VPS37A: variants seen among roughly 807,000 people sequenced by gnomAD.
VPS37A encodes VPS37A subunit of ESCRT-I, also known as vacuolar protein sorting-associated protein 37A.
In VPS37A, 30 loss-of-function variants were observed where a neutral mutation model predicts 49.8. The ratio of observed to expected loss-of-function variants is 0.60; its 90% CI spans 0.45 to 0.82. The LOEUF is 0.82. VPS37A is among the 40% of genes least tolerant of loss of function. VPS37A has a pLI of 0.00. For synonymous variants in VPS37A, 195 were observed against 160.6 expected, an observed-to-expected ratio of 1.21 and a Z score of -1.62; for missense variants, 593 against 464.4, an observed-to-expected ratio of 1.28 and a Z score of -2.55.
the VPS37A span, among the ~76,000 whole-genome samples, chr8:17,321,583 A>T: frequency 6.6e-6 from 1 of 152,248 alleles, no homozygotes; most frequent in East Asian, 1.9e-4. Context: ...GACCAAAGCG[A>T]TTAGCGCCTG....
chr8:17,302,647 G>A (rs1033819165), downstream of VPS37A, among the ~76,000 whole-genome samples: 6 of 136,852 alleles, frequency 4.4e-5, no homozygotes, highest in African/African-American at 1.6e-4. Flanking sequence ...TCTTAAACTT[G>A]CAGCTTTTAT....
chr8:17,272,740 C>T lies in VPS37A; in HGVS notation c.417-1993C>T, dbSNP rs1453721421. Among the ~76,000 whole-genome samples the T allele has an allele frequency of 2.0e-5, 3 of 152,138 alleles. No individual in the cohort carries two copies. In the East Asian group the frequency reaches 5.8e-4, roughly 29 times the overall value. On this transcript the variant is annotated intron_variant, in intron 4 of 11. Transcript: ENST00000324849. The stretch of plus-strand genomic sequence containing the variant: ...AGATAAATTTTAAGATAAAGATGAG[C>T]CATCGTTTGAAATGAACAAGCTGAT...
At chr8:17,304,159 C>T (rs953127097), downstream of VPS37A, among the ~76,000 whole-genome samples, 4 of 152,100 alleles carry the variant, frequency 2.6e-5, no homozygotes, top group Non-Finnish European at 5.9e-5. Context: ...TATTATAAAA[C>T]ATCACCTCCT....
At chr8:17,291,756 G>A (rs1375081174) in intron 11 of VPS37A, among the ~76,000 whole-genome samples, 1 of 152,108 alleles carries the variant, frequency 6.6e-6, no homozygotes, top group African/African-American at 2.4e-5. Context: ...CGAGGAGCAG[G>A]TTGTTCAGTT....
chr8:17,309,671 A>G, the VPS37A span, among the ~76,000 whole-genome samples: 1 of 152,204 alleles, frequency 6.6e-6, no homozygotes. Context: ...ACCGAAGGAA[A>G]GAGGTTTCAT....
In VPS37A at chr8:17,261,145, TG is replaced by T. The variant is rs983347114; in HGVS notation, c.126-4760del. On this transcript the variant is annotated intron_variant, in intron 1 of 11. Coordinates refer to ENST00000324849, the MANE Select transcript of VPS37A (RefSeq NM_152415.3). ...GAGGCAATATTCTGTATTTCGTAGG[TG>T]GTCTTCATTTCTTTTCAGTCTTTTT... Among the ~76,000 whole-genome samples the T allele has an allele frequency of 4.4e-4, 67 of 152,314 alleles. 1 individual carries two copies. The highest frequency in any genetic ancestry group is 1.5e-3 in the African/African-American group (61 of 41,574).
At chr8:17,324,270 G>C in the VPS37A span, among the ~76,000 whole-genome samples, 1 of 152,196 alleles carries the variant, frequency 6.6e-6, no homozygotes, top group Non-Finnish European at 1.5e-5. Flanking sequence ...GAATAGATGA[G>C]CGTCTGCGAT....
At chr8:17,317,303 G>A in the VPS37A span, among the ~76,000 whole-genome samples, 3,223 of 152,272 alleles carry the variant, frequency 0.021, 138 homozygotes, top group African/African-American at 0.073. Flanking sequence ...TGCTATGGGG[G>A]ATTTGGCCAA....
chr8:17,298,796 C>G (rs1393157378), downstream of VPS37A: 1 of 152,518 alleles, frequency 6.6e-6, no homozygotes, highest in Non-Finnish European at 1.5e-5. Flanking sequence ...GGGACTCTCC[C>G]TTAAATGTGC....
At chr8:17,298,280 C>CTTAA (rs1460180197), downstream of VPS37A, 1 of 151,988 alleles carries the variant, frequency 6.6e-6, no homozygotes, top group Non-Finnish European at 1.5e-5. Context: ...ATTCCTTGTA[C>CTTAA]TTAATTTGGG....
Position 17,248,261 on chromosome 8 carries a change from C to CCTTTTTTTTTTTTTTTTTTTTTTTTTT in VPS37A, c.125+892_125+893insCTTTTTTTTTTTTTTTTTTTTTTTTTT. The CCTTTTTTTTTTTTTTTTTTTTTTTTTT allele has an allele frequency of 5.0e-6, 2 of 397,000 alleles. 1 individual carries two copies. Among genetic ancestry groups the CCTTTTTTTTTTTTTTTTTTTTTTTTTT allele is most frequent in the Non-Finnish European group, 9.8e-6 (2 of 205,022 alleles). The allele number at this position is 397,000 out of a possible 1,614,324, so 24.6% of individuals were successfully genotyped here. Reference sequence around the variant, plus strand: ...GACAACATTGTTAAGTCCCTAACCCCTTTTTTTTTTTTTTTTTTTGCCGGG... The same window carrying CCTTTTTTTTTTTTTTTTTTTTTTTTTT: ...GACAACATTGTTAAGTCCCTAACCCCCTTTTTTTTTTTTTTTTTTTTTTTTTTTTTTTTTTTTTTTTTTTTTGCCGGG... On this transcript the variant is annotated intron_variant, in intron 1 of 11. Transcript: ENST00000324849.
At chr8:17,268,986 C>A (rs534226862) in intron 4 of VPS37A, 30 bp downstream of exon 4, 1 of 1,464,844 alleles carries the variant, frequency 6.8e-7, no homozygotes, top group Non-Finnish European at 9.3e-7. Context: ...ATAAAAAAGT[C>A]TGCCTGTATT....
intron 1 of VPS37A, among the ~76,000 whole-genome samples, chr8:17,252,547 A>G (rs575158819): frequency 6.6e-6 from 1 of 152,332 alleles, no homozygotes; most frequent in African/African-American, 2.4e-5. Flanking sequence ...TAAAAGGCAG[A>G]AGATTTCCCC....
At chr8:17,252,981 T>C (rs1215181929) in intron 1 of VPS37A, among the ~76,000 whole-genome samples, 1 of 152,210 alleles carries the variant, frequency 6.6e-6, no homozygotes, top group Non-Finnish European at 1.5e-5. Flanking sequence ...TAAATTATAT[T>C]GTCTATTTGT....
At chr8:17,315,305 CAGT>C in the VPS37A span, among the ~76,000 whole-genome samples, 6 of 151,908 alleles carry the variant, frequency 3.9e-5, no homozygotes, top group Admixed American at 1.3e-4. Flanking sequence ...ACTACGGAGA[CAGT>C]AAAAAAATCA....
rs1816682781 is a variant in VPS37A, at chr8:17,296,833, A to ATC, written c.*1848_*1849dup. On this transcript the variant is annotated 3_prime_UTR_variant, in exon 12 of 12. Coordinates refer to ENST00000324849, the MANE Select transcript of VPS37A (RefSeq NM_152415.3). Reference sequence around the variant, plus strand: ...GTTTTTTATTCTTTAAAGTTGAACTATCCCAGTTTCATTCTATACCATTCA... The same window carrying ATC: ...GTTTTTTATTCTTTAAAGTTGAACTATCTCCCAGTTTCATTCTATACCATTCA... 1 of 152,202 alleles carries ATC rather than the reference A, an allele frequency of 6.6e-6. No homozygotes were observed. Among genetic ancestry groups the ATC allele is most frequent in the African/African-American group, 2.4e-5 (1 of 41,466 alleles). The allele number at this position is 152,202 out of a possible 1,614,324, so 9.4% of individuals were successfully genotyped here. A position where few individuals can be genotyped will look rare whatever the true frequency, so the allele number is the denominator to read the frequency against.
chr8:17,259,699 T>C (rs1429043306), intron 1 of VPS37A, among the ~76,000 whole-genome samples: 1 of 152,110 alleles, frequency 6.6e-6, no homozygotes, highest in Non-Finnish European at 1.5e-5. Flanking sequence ...CGTATTGCAA[T>C]CTGTCTTTCT....
chr8:17,266,462 G>A (rs1306017122), intron 2 of VPS37A, among the ~76,000 whole-genome samples: 2 of 152,118 alleles, frequency 1.3e-5, no homozygotes, highest in Non-Finnish European at 2.9e-5. Flanking sequence ...ATAATTATGA[G>A]GGTTTTACTT....
intron 1 of VPS37A, among the ~76,000 whole-genome samples, chr8:17,259,169 T>C (rs1812753539): frequency 6.6e-6 from 1 of 152,090 alleles, no homozygotes; most frequent in Non-Finnish European, 1.5e-5. Context: ...ATAATTGGGT[T>C]GTTTATTTGA....
Sources: gnomAD v4.1 joint callset for allele counts (sites outside exome capture counted in the v4.1 genomes callset) on GRCh38, gnomAD v4.1.1 for gene constraint, MANE v1.5 for transcripts, NCBI Gene and HGNC (gene_info 2026-07-23, HGNC 2026-07-21) for gene names.